Variants in MYO3A observed in about 807,000 individuals in gnomAD.
MYO3A encodes the protein myosin IIIA, also known as myosin-IIIa.
A neutral mutation model predicts 192.7 loss-of-function variants in MYO3A; 180 were observed. That is an observed-to-expected ratio of 0.93 (90% CI 0.83 to 1.06). The LOEUF is 1.06. MYO3A is among the 50% of genes least tolerant of loss of function. MYO3A has a pLI of 0.00. For missense variants in MYO3A, 1,896 were observed against 1,905.0 expected (o/e 1.00, Z 0.09); for synonymous variants, 628 against 645.3 (o/e 0.97, Z 0.41).
intron 4 of MYO3A, among the ~76,000 whole-genome samples, chr10:25,984,535 G>T (rs1839528633): frequency 6.6e-6 from 1 of 152,112 alleles, no homozygotes; most frequent in Admixed American, 6.6e-5. Flanking sequence ...GCCACACATG[G>T]TGTTTCTTTT....
chr10:26,063,992 G>A (rs1003540372), intron 10 of MYO3A, among the ~76,000 whole-genome samples: 17 of 152,182 alleles, frequency 1.1e-4, no homozygotes, highest in African/African-American at 4.1e-4. Flanking sequence ...ACACAGCAGT[G>A]AACAATACAG....
intron 8 of MYO3A, 27 bp downstream of exon 8, chr10:26,021,675 A>G (rs2131083925): frequency 6.2e-7 from 1 of 1,613,614 alleles, no homozygotes; most frequent in Non-Finnish European, 8.5e-7. Context: ...TGGGTCCAGT[A>G]TCTGCAGCCC....
At chr10:26,043,292 C>A (rs1843456795) in intron 10 of MYO3A, among the ~76,000 whole-genome samples, 2 of 152,132 alleles carry the variant, frequency 1.3e-5, no homozygotes, top group South Asian at 4.1e-4. Context: ...TTGCCCCATG[C>A]CCACTGTAAC....
At chr10:26,012,860 C>G (rs1259790445) in intron 6 of MYO3A, among the ~76,000 whole-genome samples, 2 of 152,090 alleles carry the variant, frequency 1.3e-5, no homozygotes, top group African/African-American at 4.8e-5. Flanking sequence ...CATCACATTA[C>G]TGGACTTCAA....
chr10:25,967,169 T>C (rs1448367726), intron 4 of MYO3A, among the ~76,000 whole-genome samples: 2 of 152,134 alleles, frequency 1.3e-5, no homozygotes, highest in Non-Finnish European at 2.9e-5. Context: ...TCTAAATAAG[T>C]ACATAAAAAT....
At chr10:26,185,497 G>GC (rs1842821628) in intron 31 of MYO3A, among the ~76,000 whole-genome samples, 1 of 151,520 alleles carries the variant, frequency 6.6e-6, no homozygotes, top group African/African-American at 2.4e-5. Flanking sequence ...GTGCCACCAT[G>GC]CCCGGCTAAA....
chr10:26,205,463 CTTT>C (rs759042803), intron 34 of MYO3A, among the ~76,000 whole-genome samples: 2,015 of 98,410 alleles, frequency 0.02, 76 homozygotes, highest in African/African-American at 0.076. Flanking sequence ...GTGTGCTTGT[CTTT>C]TTTTTTTTTT....
At position 26,092,128 on chromosome 10, in the gene MYO3A, A is replaced by G. The variant is rs1244499376; in HGVS notation, c.1562+3723A>G. Among the ~76,000 whole-genome samples the G allele has an allele frequency of 2.6e-5, 4 of 152,330 alleles. No individual in the cohort carries two copies. The East Asian group carries it at 7.7e-4, about 29-fold the overall frequency. On this transcript the variant is annotated intron_variant, in intron 15 of 34. Transcript: ENST00000642920. ...AAGGAGGGAGCTGTGATTAAAAAGG[A>G]AAAACTGAAAGTGTTGTTTTACGAA... is the stretch of plus-strand genomic sequence containing the variant.
At chr10:26,111,151 A>C (rs777615206) in intron 17 of MYO3A, among the ~76,000 whole-genome samples, 1 of 152,042 alleles carries the variant, frequency 6.6e-6, no homozygotes, top group Non-Finnish European at 1.5e-5. Context: ...TACAGGCATG[A>C]GGTGCTGTGC....
intron 17 of MYO3A, among the ~76,000 whole-genome samples, chr10:26,113,497 A>C (rs1269506216): frequency 3.3e-5 from 5 of 151,928 alleles, no homozygotes; most frequent in South Asian, 2.1e-4. Context: ...ACAAAAAAAA[A>C]CTGATTTTGA....
intron 20 of MYO3A, among the ~76,000 whole-genome samples, 198 bp from the exon 21 acceptor site, chr10:26,143,250 G>T (rs534428792): frequency 6.6e-6 from 1 of 152,250 alleles, no homozygotes; most frequent in South Asian, 2.1e-4. Context: ...AGAATTGCTT[G>T]AACCTTGGAG....
At chr10:25,950,244 A>G (rs899358297) in intron 2 of MYO3A, among the ~76,000 whole-genome samples, 8 of 152,150 alleles carry the variant, frequency 5.3e-5, no homozygotes, top group African/African-American at 1.9e-4. Flanking sequence ...ACTATGTTTG[A>G]TGCACATTGG....
chr10:26,102,452 C>T (rs1837517904), intron 17 of MYO3A, among the ~76,000 whole-genome samples: 1 of 152,212 alleles, frequency 6.6e-6, no homozygotes, highest in African/African-American at 2.4e-5. Context: ...TGAGGAGCTG[C>T]ATTCCTTTGG....
intron 2 of MYO3A, among the ~76,000 whole-genome samples, chr10:25,942,188 G>C (rs1442078849): frequency 6.6e-6 from 1 of 151,900 alleles, no homozygotes; most frequent in Non-Finnish European, 1.5e-5. Context: ...TTTTGTTAGA[G>C]ATGGGGTTTC....
chr10:25,956,667 A>G (rs1391182604), intron 4 of MYO3A, among the ~76,000 whole-genome samples: 23 of 151,948 alleles, frequency 1.5e-4, no homozygotes, highest in Admixed American at 1.5e-3. Flanking sequence ...TCATTGTAGA[A>G]AATATTTGAT....
At chr10:25,972,660 A>G (rs1187989685) in intron 4 of MYO3A, among the ~76,000 whole-genome samples, 3 of 152,138 alleles carry the variant, frequency 2.0e-5, no homozygotes, top group Admixed American at 6.6e-5. Flanking sequence ...TTCCCCATCT[A>G]TGAAGCCTTT....
chr10:26,042,297 GTGT>G (rs1413090755), intron 10 of MYO3A, among the ~76,000 whole-genome samples: 1 of 152,044 alleles, frequency 6.6e-6, no homozygotes, highest in Non-Finnish European at 1.5e-5. Flanking sequence ...CCTTGAGGTG[GTGT>G]TCTTCAGATT....
At chr10:26,104,559 A>G (rs1475826520) in intron 17 of MYO3A, among the ~76,000 whole-genome samples, 1 of 152,158 alleles carries the variant, frequency 6.6e-6, no homozygotes, top group African/African-American at 2.4e-5. Flanking sequence ...TACCAGTATC[A>G]CACATGAGTA....
intron 34 of MYO3A, chr10:26,204,134 C>T (rs956846936): frequency 2.0e-5 from 3 of 152,188 alleles, no homozygotes; most frequent in African/African-American, 7.2e-5. Context: ...AGAAGATGTG[C>T]TCTTCCATCT....
Sources: gnomAD v4.1 joint callset for allele counts (sites outside exome capture counted in the v4.1 genomes callset) on GRCh38, gnomAD v4.1.1 for gene constraint, MANE v1.5 for transcripts, NCBI Gene and HGNC (gene_info 2026-07-23, HGNC 2026-07-21) for gene names.